Variants in WDR91 observed in about 807,000 individuals in gnomAD.
The protein encoded by WDR91 is WD repeat-containing protein 91.
WDR91 carries 52 observed loss-of-function variants against 88.4 expected under a neutral mutation model. The observed-to-expected ratio is 0.59, with a 90% CI of 0.47 to 0.74. The LOEUF is 0.74. Ranked by LOEUF, WDR91 falls within the 30% of genes least tolerant of loss-of-function variation. WDR91 has a pLI of 0.00. For missense variants in WDR91, 824 were observed against 954.5 expected (o/e 0.86, Z 1.80); for synonymous variants, 362 against 389.5 (o/e 0.93, Z 0.83).
rs747588250 is a variant in WDR91, at chr7:135,196,003, C to T, written c.1244+141G>A. The T allele has an allele frequency of 2.1e-5, 16 of 754,428 alleles. No homozygotes were observed. The highest frequency in any genetic ancestry group is 3.1e-5 in the East Asian group (1 of 31,966). The allele number at this position is 754,428 out of a possible 1,614,324, so 46.7% of individuals were successfully genotyped here. On this transcript the variant is annotated intron_variant, in intron 8 of 14. Transcript: ENST00000354475. This position sits in a 1 kb window ranked among gnomAD's most constrained non-coding sequence, Gnocchi z 4.2. ...TGACCAGTCCACTGGCAGCTCCAAC[C>T]GACTCCCATGACTCTACTGCCATGA... is the stretch of plus-strand genomic sequence containing the variant.
At chr7:135,187,646 CATATAATCAATTGA>C in intron 13 of WDR91, among the ~76,000 whole-genome samples, 1 of 152,150 alleles carries the variant, frequency 6.6e-6, no homozygotes, top group East Asian at 1.9e-4. Flanking sequence ...GTGTTTCAGG[CATATAATCAATTGA>C]ACACTGGGCG....
At chr7:135,209,504 G>C in intron 2 of WDR91, 72 bp downstream of exon 2, 1 of 1,412,156 alleles carries the variant, frequency 7.1e-7, no homozygotes, top group Non-Finnish European at 9.4e-7. Flanking sequence ...CCTAGGAACT[G>C]GAAGAAAATC....
chr7:135,192,512 G>A (rs1382429413), intron 11 of WDR91, among the ~76,000 whole-genome samples: 1 of 152,294 alleles, frequency 6.6e-6, no homozygotes, highest in East Asian at 1.9e-4. Flanking sequence ...TCAAGAATTC[G>A]AGTGTGACCC....
Position 135,197,809 on chromosome 7 carries a change from G to A in WDR91, c.1050+184C>T, listed in dbSNP as rs552295873. ...TAGGGAAATGCTGCATGGGAGAAAT[G>A]GACCACAGAAAAGCCAGGCAAATGA... On this transcript the variant is annotated intron_variant, in intron 7 of 14. Transcript: ENST00000354475. 6.0e-6 allele frequency: 4 copies of A among 665,638 alleles called. No homozygotes were observed. In the South Asian group the frequency reaches 7.4e-5, roughly 12 times the overall value. 41.2% of individuals were successfully genotyped at this position (665,638 alleles called of 1,614,324 possible).
At chr7:135,209,444 A>G in intron 2 of WDR91, 132 bp downstream of exon 2, 1 of 849,550 alleles carries the variant, frequency 1.2e-6, no homozygotes, top group Non-Finnish European at 1.7e-6. Flanking sequence ...GTCAAAAATA[A>G]TTGCACTGTA....
chr7:135,191,406 G>A (rs566726990), intron 11 of WDR91, among the ~76,000 whole-genome samples: 160 of 152,090 alleles, frequency 1.1e-3, no homozygotes, highest in Non-Finnish European at 2.0e-3. Flanking sequence ...TCAGGAGTTC[G>A]AGACCTGGCC....
At chr7:135,195,665 G>A (rs542111048) in intron 8 of WDR91, among the ~76,000 whole-genome samples, 3 of 152,238 alleles carry the variant, frequency 2.0e-5, no homozygotes, top group Non-Finnish European at 4.4e-5. Context: ...AGGGCAGAGA[G>A]GCCCGGTGCG....
Position 135,196,389 on chromosome 7 carries a change from AG to A in WDR91, c.1051-53del. ...CAGCCAGGAAAGGGTCCCCCACACC[AG>A]GGTGTACACCGCAGGGGGTCTAGGC... On this transcript the variant is annotated intron_variant, in intron 7 of 14. Transcript: ENST00000354475. This position sits in a 1 kb window ranked among gnomAD's most constrained non-coding sequence, Gnocchi z 4.2. 1 of 1,465,540 alleles carries A rather than the reference AG, an allele frequency of 6.8e-7. No individual in the cohort carries two copies. Among genetic ancestry groups the A allele is most frequent in the Non-Finnish European group, 9.0e-7 (1 of 1,105,982 alleles). 90.8% of individuals were successfully genotyped at this position (1,465,540 alleles called of 1,614,324 possible).
intron 6 of WDR91, among the ~76,000 whole-genome samples, chr7:135,200,810 A>G (rs1287331973): frequency 2.0e-5 from 3 of 152,146 alleles, no homozygotes; most frequent in Non-Finnish European, 2.9e-5. Context: ...GATACCCATT[A>G]ATTTCCGGTG....
rs1013432318 is a variant in WDR91, at chr7:135,183,941, A to C, written c.*2210T>G. The C allele has an allele frequency of 6.6e-6, 1 of 152,138 alleles. No individual in the cohort carries two copies. Among genetic ancestry groups the C allele is most frequent in the African/African-American group, 2.4e-5 (1 of 41,424 alleles). 9.4% of individuals were successfully genotyped at this position (152,138 alleles called of 1,614,324 possible). A position where few individuals can be genotyped will look rare whatever the true frequency, so the allele number is the denominator to read the frequency against. ...TTCAAATTTTCTTTGTGTCTCTGTGATCCTTAAAGCATCTCAGCAAGCTGT... is the reference window on the plus strand; with the variant it reads ...TTCAAATTTTCTTTGTGTCTCTGTGCTCCTTAAAGCATCTCAGCAAGCTGT... On this transcript the variant is annotated 3_prime_UTR_variant, in exon 15 of 15. Coordinates refer to ENST00000354475, the MANE Select transcript of WDR91 (RefSeq NM_014149.4).
chr7:135,199,884 T>G (rs1254338714), intron 6 of WDR91: 1 of 152,242 alleles, frequency 6.6e-6, no homozygotes, highest in Non-Finnish European at 1.5e-5. Context: ...CTGGCTTATT[T>G]GAAAGCCACT....
chr7:135,196,359 C>A lies in WDR91; in HGVS notation c.1051-22G>T. 1 of 1,496,576 alleles carries A rather than the reference C, an allele frequency of 6.7e-7. No homozygotes were observed. The highest frequency in any genetic ancestry group is 8.9e-7 in the Non-Finnish European group (1 of 1,121,606). 92.7% of individuals were successfully genotyped at this position (1,496,576 alleles called of 1,614,324 possible). Reference sequence around the variant, plus strand: ...CACACTGTCACAAGCAGGGTGGGGACAAGTCAGCCAGGAAAGGGTCCCCCA... The same window carrying A: ...CACACTGTCACAAGCAGGGTGGGGAAAAGTCAGCCAGGAAAGGGTCCCCCA... On this transcript the variant is annotated intron_variant, in intron 7 of 14. Coordinates refer to ENST00000354475, the MANE Select transcript of WDR91 (RefSeq NM_014149.4). This position sits in a 1 kb window ranked among gnomAD's most constrained non-coding sequence, Gnocchi z 4.2.
intron 9 of WDR91, 34 bp downstream of exon 9, chr7:135,194,900 A>G: frequency 6.2e-7 from 1 of 1,611,154 alleles, no homozygotes; most frequent in Non-Finnish European, 8.5e-7. Flanking sequence ...CCACTGAGCC[A>G]GCAAAGCGGG....
In WDR91 at chr7:135,190,693, G is replaced by A. The variant is rs186386107; in HGVS notation, c.1660-1241C>T. Among the ~76,000 whole-genome samples the A allele has an allele frequency of 1.3e-3, 200 of 152,236 alleles. 1 individual carries two copies. The highest frequency in any genetic ancestry group is 0.013 in the Admixed American group (199 of 15,294). On this transcript the variant is annotated intron_variant, in intron 11 of 14. Transcript: ENST00000354475. The stretch of plus-strand genomic sequence containing the variant: ...AGCAGGTTTTAAAAAATGAAGGTGA[G>A]CTTCTAAAAATGAGAAACACAATAA...
intron 1 of WDR91, chr7:135,210,950 A>G (rs1831993960): frequency 1.4e-6 from 1 of 703,232 alleles, no homozygotes; most frequent in Non-Finnish European, 2.6e-6. Flanking sequence ...GCCATTTTAA[A>G]CAAACACCGC....
At chr7:135,187,191 AG>A in intron 13 of WDR91, 22 bp from the exon 14 acceptor site, 4 of 1,613,288 alleles carry the variant, frequency 2.5e-6, no homozygotes, top group Non-Finnish European at 3.4e-6. Context: ...GGGCACAAGC[AG>A]GGTGCTCGCA....
chr7:135,188,611 C>G, intron 12 of WDR91, 66 bp from the exon 13 acceptor site: 1 of 1,360,258 alleles, frequency 7.4e-7, no homozygotes, highest in Non-Finnish European at 1.0e-6. Context: ...CTGCCTGCAG[C>G]AGGAGGCCCC....
intron 5 of WDR91, 51 bp downstream of exon 5, chr7:135,205,877 G>A: frequency 6.2e-7 from 1 of 1,610,050 alleles, no homozygotes; most frequent in Non-Finnish European, 8.5e-7. Flanking sequence ...GAACTGTGGG[G>A]CTGAGAGCAC....
chr7:135,203,473 T>C (rs1401037434), intron 6 of WDR91, among the ~76,000 whole-genome samples: 5 of 152,190 alleles, frequency 3.3e-5, no homozygotes, highest in African/African-American at 1.2e-4. Context: ...CTAGTTAAAC[T>C]AGTCAGTGGG....
Sources: allele counts gnomAD v4.1 joint callset (sites outside exome capture counted in the v4.1 genomes callset), GRCh38; gene constraint gnomAD v4.1.1; non-coding constraint Gnocchi (gnomAD v3.1); transcripts MANE v1.5; gene names NCBI Gene and HGNC (gene_info 2026-07-23, HGNC 2026-07-21).